ROBO1: variants seen among roughly 807,000 people sequenced by gnomAD.
ROBO1 encodes roundabout homolog 1.
Under a neutral mutation model 195.9 loss-of-function variants are expected in ROBO1, and 149 were observed. The ratio of observed to expected loss-of-function variants is 0.76; its 90% CI spans 0.67 to 0.87. The LOEUF (loss-of-function observed/expected upper bound fraction) is 0.87, where lower values mean the gene tolerates loss of function less well. ROBO1 is among the 40% of genes least tolerant of loss of function. The probability of loss-of-function intolerance (pLI) is 0.00; values close to 1 mark genes in which losing one functional copy is unlikely to be tolerated. For missense variants in ROBO1, 1,933 were observed against 2,068.3 expected, an observed-to-expected ratio of 0.93 and a Z score of 1.27; for synonymous variants, 816 against 733.2, an observed-to-expected ratio of 1.11 and a Z score of -1.82.
At chr3:79,485,424 A>G (rs1218108952) in intron 2 of ROBO1, among the ~76,000 whole-genome samples, 4 of 152,200 alleles carry the variant, frequency 2.6e-5, no homozygotes, top group Admixed American at 1.3e-4. Flanking sequence ...CATTATTACA[A>G]AAGATTAAAA....
At chr3:78,874,600 C>A (rs1045500216) in intron 4 of ROBO1, among the ~76,000 whole-genome samples, 1 of 151,802 alleles carries the variant, frequency 6.6e-6, no homozygotes, top group African/African-American at 2.4e-5. Flanking sequence ...TTCAAGTATT[C>A]ATTATATTAT....
intron 1 of ROBO1, among the ~76,000 whole-genome samples, chr3:79,592,742 A>T (rs1016813064): frequency 6.6e-6 from 1 of 151,976 alleles, no homozygotes; most frequent in Non-Finnish European, 1.5e-5. Context: ...TTGACACACC[A>T]TTATCATCCA....
intron 1 of ROBO1, among the ~76,000 whole-genome samples, chr3:79,760,422 C>T (rs543051756): frequency 6.4e-5 from 9 of 140,860 alleles, no homozygotes; most frequent in Non-Finnish European, 1.2e-4. Context: ...TTTGAAAAAA[C>T]GATACAAAAT....
intron 4 of ROBO1, among the ~76,000 whole-genome samples, chr3:78,872,015 CTA>C (rs2107154521): frequency 1.3e-5 from 2 of 152,212 alleles, no homozygotes; most frequent in South Asian, 4.1e-4. Flanking sequence ...CTGTCACTTG[CTA>C]TGTTATCGAC....
intron 2 of ROBO1, among the ~76,000 whole-genome samples, chr3:79,286,667 A>G (rs1230599735): frequency 6.6e-6 from 1 of 152,206 alleles, no homozygotes; most frequent in Non-Finnish European, 1.5e-5. Context: ...AACAGATTTT[A>G]AATTCCTGAG....
At chr3:79,590,663 T>C (rs1943969939) in intron 1 of ROBO1, among the ~76,000 whole-genome samples, 1 of 151,750 alleles carries the variant, frequency 6.6e-6, no homozygotes, top group South Asian at 2.1e-4. Context: ...ATGGAAGAAG[T>C]GGCATTTTGA....
At chr3:78,946,571 C>T (rs527506845) in intron 3 of ROBO1, among the ~76,000 whole-genome samples, 1 of 152,120 alleles carries the variant, frequency 6.6e-6, no homozygotes, top group Non-Finnish European at 1.5e-5. Flanking sequence ...CAAAAACATG[C>T]CAAATTGTAA....
At chr3:78,745,657 T>G (rs2082640541) in intron 5 of ROBO1, among the ~76,000 whole-genome samples, 1 of 152,192 alleles carries the variant, frequency 6.6e-6, no homozygotes, top group South Asian at 2.1e-4. Context: ...GCAGCACCTC[T>G]TATGAGCAGA....
intron 3 of ROBO1, among the ~76,000 whole-genome samples, chr3:79,042,208 TCAA>T (rs1391986029): frequency 6.6e-6 from 1 of 152,212 alleles, no homozygotes; most frequent in Non-Finnish European, 1.5e-5. Context: ...GTTCATTCAT[TCAA>T]CAATATTTTG....
At chr3:78,732,864 T>G (rs1208026124) in intron 5 of ROBO1, among the ~76,000 whole-genome samples, 2 of 152,166 alleles carry the variant, frequency 1.3e-5, no homozygotes, top group African/African-American at 2.4e-5. Flanking sequence ...AAAAGCCTGT[T>G]TCTAATGCAA....
chr3:79,272,774 C>A (rs1055665175), intron 2 of ROBO1, among the ~76,000 whole-genome samples: 1 of 152,066 alleles, frequency 6.6e-6, no homozygotes, highest in African/African-American at 2.4e-5. Context: ...CCCAAAGCGG[C>A]AGGCTGATGT....
intron 3 of ROBO1, among the ~76,000 whole-genome samples, chr3:79,084,943 AAATT>A (rs1367613346): frequency 6.6e-6 from 1 of 152,162 alleles, no homozygotes; most frequent in African/African-American, 2.4e-5. Context: ...ATAAAATTAT[AAATT>A]AATTTAAACA....
At chr3:79,300,233 G>T (rs564736424) in intron 2 of ROBO1, among the ~76,000 whole-genome samples, 173 of 152,290 alleles carry the variant, frequency 1.1e-3, no homozygotes, top group Middle Eastern at 6.8e-3. Context: ...AGGCGTGAGC[G>T]GGAACTGCGG....
At chr3:79,704,245 T>C (rs1323068019) in intron 1 of ROBO1, among the ~76,000 whole-genome samples, 1 of 151,958 alleles carries the variant, frequency 6.6e-6, no homozygotes, top group Non-Finnish European at 1.5e-5. Context: ...TGGTGTTATA[T>C]ATTATATTTT....
chr3:78,923,163 A>G (rs1455840234), intron 4 of ROBO1, among the ~76,000 whole-genome samples: 2 of 152,136 alleles, frequency 1.3e-5, no homozygotes, highest in Non-Finnish European at 2.9e-5. Context: ...CTTACCTTTC[A>G]GCCCCAGAAA....
chr3:78,875,086 A>T (rs1321470705), intron 4 of ROBO1, among the ~76,000 whole-genome samples: 1 of 152,036 alleles, frequency 6.6e-6, no homozygotes, highest in Non-Finnish European at 1.5e-5. Context: ...CTGAAAAGTC[A>T]TGGGAAAATT....
intron 1 of ROBO1, among the ~76,000 whole-genome samples, chr3:79,681,404 T>C (rs1386327143): frequency 2.0e-5 from 3 of 151,872 alleles, no homozygotes; most frequent in East Asian, 1.9e-4. Flanking sequence ...AGAGAAGCAG[T>C]TGAGTATATA....
chr3:78,822,487 C>A (rs925722229), intron 4 of ROBO1, among the ~76,000 whole-genome samples: 6 of 152,078 alleles, frequency 3.9e-5, no homozygotes, highest in African/African-American at 1.4e-4. Flanking sequence ...CCCGGCACAT[C>A]CAAGGGACTA....
Position 78,639,926 on chromosome 3 carries a change from A to C in ROBO1, c.2883-28T>G. 2 of 1,488,434 alleles carry C rather than the reference A, an allele frequency of 1.3e-6. 1 individual carries two copies. The highest frequency in any genetic ancestry group is 5.0e-5 in the East Asian group (2 of 40,184). 92.2% of individuals were successfully genotyped at this position (1,488,434 alleles called of 1,614,324 possible). A position where few individuals can be genotyped will look rare whatever the true frequency, so the allele number is the denominator to read the frequency against. On this transcript the variant is annotated intron_variant, in intron 21 of 30. Transcript: ENST00000464233. ...AAATAAAAAAAAAATATTAAAGCAA[A>C]TGTTATATGAATAGAGAGTAATATT...
Sources: gnomAD v4.1 joint callset for allele counts (sites outside exome capture counted in the v4.1 genomes callset) on GRCh38, gnomAD v4.1.1 for gene constraint, MANE v1.5 for transcripts, NCBI Gene and HGNC (gene_info 2026-07-23, HGNC 2026-07-21) for gene names.